Variants in CACNA2D1 observed in about 807,000 individuals in gnomAD.
CACNA2D1 encodes voltage-dependent calcium channel subunit alpha-2/delta-1.
Under a neutral mutation model 171.5 loss-of-function variants are expected in CACNA2D1, and 53 were observed. The ratio of observed to expected loss-of-function variants is 0.31; its 90% CI spans 0.25 to 0.39. The LOEUF is 0.39. Ranked by LOEUF, CACNA2D1 falls within the 10% of genes least tolerant of loss-of-function variation. The pLI, the probability that CACNA2D1 is intolerant of heterozygous loss-of-function variation, is 1.00. For missense variants in CACNA2D1, 903 were observed against 1,299.8 expected (o/e 0.69, Z 4.69); for synonymous variants, 442 against 443.1 (o/e 1.00, Z 0.03).
At chr7:82,038,048 A>G (rs773109599) in intron 11 of CACNA2D1, 29 bp downstream of exon 11, 5 of 1,609,006 alleles carry the variant, frequency 3.1e-6, no homozygotes, top group Admixed American at 3.3e-5. Context: ...GAACAACAAC[A>G]ACAACAAAAG....
intron 1 of CACNA2D1, among the ~76,000 whole-genome samples, chr7:82,356,185 G>A (rs1377841090): frequency 6.6e-6 from 1 of 151,988 alleles, no homozygotes; most frequent in Admixed American, 6.6e-5. Context: ...TAAAAACTAG[G>A]GTTCGTCTTT....
At chr7:81,975,288 T>C (rs1366961540) in intron 24 of CACNA2D1, among the ~76,000 whole-genome samples, 1 of 152,092 alleles carries the variant, frequency 6.6e-6, no homozygotes, top group African/African-American at 2.4e-5. Context: ...AGCCCAGAAA[T>C]CTTAAAGTTC....
intron 3 of CACNA2D1, among the ~76,000 whole-genome samples, chr7:82,266,400 G>A (rs913270228): frequency 2.6e-5 from 4 of 152,156 alleles, no homozygotes; most frequent in African/African-American, 9.7e-5. Context: ...GAAAATGGTT[G>A]TAAATTTACA....
intron 25 of CACNA2D1, among the ~76,000 whole-genome samples, chr7:81,973,796 G>C (rs1211270363): frequency 6.6e-6 from 1 of 151,816 alleles, no homozygotes; most frequent in South Asian, 2.1e-4. Context: ...ATTTTTTAAT[G>C]ATTTAAAAGC....
At chr7:82,431,577 A>G (rs1829677062) in intron 1 of CACNA2D1, among the ~76,000 whole-genome samples, 1 of 152,198 alleles carries the variant, frequency 6.6e-6, no homozygotes, top group Admixed American at 6.5e-5. Flanking sequence ...AAGGGCAGCA[A>G]AGTTCAGCAG....
At chr7:81,986,201 C>T (rs889641285) in intron 21 of CACNA2D1, among the ~76,000 whole-genome samples, 1 of 152,054 alleles carries the variant, frequency 6.6e-6, no homozygotes, top group African/African-American at 2.4e-5. Flanking sequence ...TCTAAAATGC[C>T]CAATCTAACT....
intron 1 of CACNA2D1, among the ~76,000 whole-genome samples, chr7:82,431,085 T>C (rs952468635): frequency 8.5e-5 from 13 of 152,178 alleles, no homozygotes; most frequent in Non-Finnish European, 5.9e-5. Flanking sequence ...AACCTAGGGA[T>C]GGAACAGTTC....
chr7:82,145,397 A>G (rs116851019), intron 4 of CACNA2D1, among the ~76,000 whole-genome samples: 4,751 of 144,576 alleles, frequency 0.033, 137 homozygotes, highest in South Asian at 0.099. Context: ...TATGTATTAT[A>G]TATATTGCAT....
chr7:82,200,122 A>G (rs1799261743), intron 3 of CACNA2D1, among the ~76,000 whole-genome samples: 1 of 152,174 alleles, frequency 6.6e-6, no homozygotes, highest in Admixed American at 6.5e-5. Flanking sequence ...ATATGTGTGC[A>G]AACACACATA....
chr7:82,253,402 G>A (rs139176510), intron 3 of CACNA2D1, among the ~76,000 whole-genome samples: 1 of 152,220 alleles, frequency 6.6e-6, no homozygotes, highest in African/African-American at 2.4e-5. Context: ...TCCATGAAGA[G>A]AGAAAGGAAC....
chr7:82,171,778 A>G (rs1009391740), intron 3 of CACNA2D1, among the ~76,000 whole-genome samples: 5 of 152,104 alleles, frequency 3.3e-5, no homozygotes, highest in African/African-American at 9.6e-5. Context: ...TAAATATAAT[A>G]AATATACTAA....
chr7:81,995,538 C>T (rs1217840763), intron 19 of CACNA2D1, among the ~76,000 whole-genome samples: 1 of 152,066 alleles, frequency 6.6e-6, no homozygotes, highest in Non-Finnish European at 1.5e-5. Context: ...GTGGCTCATG[C>T]CTGTAATTCC....
At chr7:82,389,776 ATC>A (rs551917503) in intron 1 of CACNA2D1, among the ~76,000 whole-genome samples, 369 of 152,358 alleles carry the variant, frequency 2.4e-3, no homozygotes, top group South Asian at 0.017. Context: ...TAAGGTATAT[ATC>A]CTTAATAAAC....
Position 82,428,342 on chromosome 7 carries a change from A to G in CACNA2D1, c.95+15023T>C, listed in dbSNP as rs73388029. 4.4e-3 allele frequency among the ~76,000 whole-genome samples: 506 copies of G among 115,538 alleles called. 2 individuals carry two copies. The highest frequency in any genetic ancestry group is 0.016 in the African/African-American group (493 of 31,242). The allele number at this position is 115,538 out of a possible 152,430, so 75.8% of individuals were successfully genotyped here. The stretch of plus-strand genomic sequence containing the variant: ...AAACAGCCATCTTCAGCTTCAGACA[A>G]AAGCCATGACACAAGCATAAAAAAT... On this transcript the variant is annotated intron_variant, in intron 1 of 38. Coordinates refer to ENST00000356860, the MANE Select transcript of CACNA2D1 (RefSeq NM_000722.4).
At chr7:82,393,025 G>A (rs942901091) in intron 1 of CACNA2D1, among the ~76,000 whole-genome samples, 8 of 146,142 alleles carry the variant, frequency 5.5e-5, no homozygotes, top group Non-Finnish European at 1.2e-4. Context: ...TAAAGAGACA[G>A]AGAGAGAGGA....
At chr7:82,198,112 A>G (rs4732436) in intron 3 of CACNA2D1, among the ~76,000 whole-genome samples, 90,320 of 151,910 alleles carry the variant, frequency 0.59, 27,603 homozygotes, top group East Asian at 0.8. Flanking sequence ...CAAAAACAAC[A>G]ATAAATAGAT....
rs539844625 is a variant in CACNA2D1, at chr7:82,015,544, TTAA to T, written c.1144-1068_1144-1066del. On this transcript the variant is annotated intron_variant, in intron 12 of 38. Coordinates refer to ENST00000356860, the MANE Select transcript of CACNA2D1 (RefSeq NM_000722.4). ...TAAATTCCATGAGGTCAACCTATACTTAATAAAATTATTTTTACATATATATTG... is the reference window on the plus strand; with the variant it reads ...TAAATTCCATGAGGTCAACCTATACTTAAAATTATTTTTACATATATATTG... 2.2e-3 allele frequency among the ~76,000 whole-genome samples: 334 copies of T among 152,260 alleles called. 1 individual carries two copies. The highest frequency in any genetic ancestry group is 7.7e-3 in the African/African-American group (322 of 41,574).
chr7:81,955,351 C>CCTTAATGTGGGAAA (rs1469399547), intron 38 of CACNA2D1, among the ~76,000 whole-genome samples: 34 of 152,186 alleles, frequency 2.2e-4, no homozygotes, highest in African/African-American at 7.9e-4. Context: ...CCTTTATGGT[C>CCTTAATGTGGGAAA]CTTAATGTGG....
chr7:82,432,496 T>C (rs79833845), intron 1 of CACNA2D1, among the ~76,000 whole-genome samples: 8,914 of 152,288 alleles, frequency 0.059, 868 homozygotes, highest in African/African-American at 0.2. Context: ...TTTGCAGGGA[T>C]ATTCTGTCAG....
Sources: gnomAD v4.1 joint callset for allele counts (sites outside exome capture counted in the v4.1 genomes callset) on GRCh38, gnomAD v4.1.1 for gene constraint, MANE v1.5 for transcripts, NCBI Gene and HGNC (gene_info 2026-07-23, HGNC 2026-07-21) for gene names.